Variants in TMEM232 observed in about 807,000 individuals in gnomAD.
TMEM232 encodes the protein transmembrane protein 232.
TMEM232 carries 80 observed loss-of-function variants against 78.8 expected under a neutral mutation model. The observed-to-expected ratio is 1.01, with a 90% CI of 0.85 to 1.22. The LOEUF is 1.22. TMEM232 is among the 50% of genes most tolerant of loss of function. The pLI is 0.00. For synonymous variants in TMEM232, 297 were observed against 254.3 expected (o/e 1.17, Z -1.60); for missense variants, 881 against 742.2 (o/e 1.19, Z -2.17).
At chr5:110,672,993 G>C (rs1043587478) in intron 1 of TMEM232, among the ~76,000 whole-genome samples, 1 of 152,082 alleles carries the variant, frequency 6.6e-6, no homozygotes, top group Non-Finnish European at 1.5e-5. Context: ...GCTATAAAGA[G>C]ACATGCACAC....
upstream of TMEM232, among the ~76,000 whole-genome samples, chr5:110,731,092 G>A (rs1184230838): frequency 3.9e-5 from 6 of 152,252 alleles, no homozygotes; most frequent in East Asian, 1.2e-3. Context: ...AAAACAAAGG[G>A]GTTACAGGGC....
intron 3 of TMEM232, among the ~76,000 whole-genome samples, chr5:110,393,958 C>CAAAAAAA (rs201803686): frequency 1.6e-5 from 1 of 60,776 alleles, no homozygotes; most frequent in Non-Finnish European, 3.8e-5. Flanking sequence ...AACTTCATCT[C>CAAAAAAA]AAAAAAAAAA....
chr5:110,598,791 C>T (rs1780512675), intron 10 of TMEM232, among the ~76,000 whole-genome samples: 1 of 139,854 alleles, frequency 7.2e-6, no homozygotes, highest in Admixed American at 8.0e-5. Flanking sequence ...TGTTCTCACT[C>T]ATAGATGGGA....
intron 12 of TMEM232, among the ~76,000 whole-genome samples, chr5:110,512,353 A>G (rs1018759200): frequency 6.6e-6 from 1 of 152,200 alleles, no homozygotes; most frequent in African/African-American, 2.4e-5. Context: ...TGGACAACCA[A>G]CATGCTAGAG....
intron 1 of TMEM232, among the ~76,000 whole-genome samples, chr5:110,692,006 C>T (rs1455909778): frequency 1.3e-5 from 2 of 152,108 alleles, no homozygotes; most frequent in Non-Finnish European, 2.9e-5. Context: ...CTGCAAGCCC[C>T]ACCTCCTGGG....
intron 2 of TMEM232, among the ~76,000 whole-genome samples, chr5:110,649,824 A>G (rs1788047085): frequency 6.6e-6 from 1 of 152,092 alleles, no homozygotes; most frequent in Non-Finnish European, 1.5e-5. Context: ...TAAAAAATCA[A>G]TGTATGGCAA....
At chr5:110,458,450 AG>A (rs1761133190) in intron 12 of TMEM232, among the ~76,000 whole-genome samples, 1 of 152,150 alleles carries the variant, frequency 6.6e-6, no homozygotes, top group African/African-American at 2.4e-5. Flanking sequence ...TGAATTTTCC[AG>A]GAGTGCAGCC....
At chr5:110,448,818 A>G (rs1759955448) in intron 12 of TMEM232, among the ~76,000 whole-genome samples, 3 of 151,960 alleles carry the variant, frequency 2.0e-5, no homozygotes, top group South Asian at 2.1e-4. Flanking sequence ...ATAAGAATTA[A>G]AAACAGAATA....
intron 12 of TMEM232, among the ~76,000 whole-genome samples, chr5:110,493,264 AAATT>A (rs1242792399): frequency 2.0e-5 from 3 of 152,026 alleles, no homozygotes; most frequent in Admixed American, 1.3e-4. Flanking sequence ...AAATTTTCCA[AAATT>A]AATTAATAAA....
chr5:110,522,757 G>C (rs1303811304), intron 12 of TMEM232, among the ~76,000 whole-genome samples: 2 of 152,102 alleles, frequency 1.3e-5, no homozygotes, highest in African/African-American at 4.8e-5. Context: ...GCATCGCAGG[G>C]ATAAAACCCC....
chr5:110,552,420 T>C (rs980654542), intron 11 of TMEM232, among the ~76,000 whole-genome samples: 1 of 152,078 alleles, frequency 6.6e-6, no homozygotes, highest in African/African-American at 2.4e-5. Context: ...TTACATTACA[T>C]GTAAATATAC....
chr5:110,545,535 A>C (rs1773665039), intron 11 of TMEM232, among the ~76,000 whole-genome samples: 1 of 152,058 alleles, frequency 6.6e-6, no homozygotes. Flanking sequence ...AATACAGCTC[A>C]CTTTCCAAAC....
intron 10 of TMEM232, among the ~76,000 whole-genome samples, chr5:110,596,180 A>G (rs1271648260): frequency 6.6e-6 from 1 of 152,166 alleles, no homozygotes; most frequent in Non-Finnish European, 1.5e-5. Context: ...GATAAAGGGG[A>G]TATCACCACC....
chr5:110,693,568 T>C (rs1269098166), intron 1 of TMEM232, among the ~76,000 whole-genome samples: 1 of 152,072 alleles, frequency 6.6e-6, no homozygotes, highest in African/African-American at 2.4e-5. Flanking sequence ...AACGATTAGA[T>C]GAATGGCTAA....
intron 11 of TMEM232, among the ~76,000 whole-genome samples, chr5:110,530,872 AAAT>A (rs1488331452): frequency 1.3e-5 from 2 of 152,200 alleles, no homozygotes; most frequent in African/African-American, 4.8e-5. Context: ...CTCAAAAAAG[AAAT>A]AATAACTATA....
At chr5:110,693,195 G>A (rs1413893009) in intron 1 of TMEM232, among the ~76,000 whole-genome samples, 2 of 152,206 alleles carry the variant, frequency 1.3e-5, no homozygotes, top group South Asian at 2.1e-4. Flanking sequence ...GGCAAACAGG[G>A]TCTGGAATGG....
chr5:110,433,480 G>GA (rs1237446779), intron 12 of TMEM232, among the ~76,000 whole-genome samples: 1 of 151,650 alleles, frequency 6.6e-6, no homozygotes, highest in Non-Finnish European at 1.5e-5. Context: ...TCAAAAACAG[G>GA]AAAGTTTATA....
intron 11 of TMEM232, among the ~76,000 whole-genome samples, chr5:110,567,786 C>A (rs1776510323): frequency 6.6e-6 from 1 of 151,922 alleles, no homozygotes; most frequent in Non-Finnish European, 1.5e-5. Context: ...TGTGTTCAGC[C>A]TTCTTCCTGG....
At chr5:110,652,663 A>T (rs960325420) in intron 2 of TMEM232, among the ~76,000 whole-genome samples, 1 of 152,178 alleles carries the variant, frequency 6.6e-6, no homozygotes, top group Non-Finnish European at 1.5e-5. Context: ...AAACATAGCT[A>T]TTTTAACCAA....
Sources: allele counts gnomAD v4.1 joint callset (sites outside exome capture counted in the v4.1 genomes callset), GRCh38; gene constraint gnomAD v4.1.1; transcripts MANE v1.5; gene names NCBI Gene and HGNC (gene_info 2026-07-23, HGNC 2026-07-21).